Variants in NCAM2 observed in about 807,000 individuals in gnomAD.
The protein encoded by NCAM2 is N-CAM-2.
Under a neutral mutation model 98.1 loss-of-function variants are expected in NCAM2, and 30 were observed. The observed-to-expected ratio is 0.31, with a 90% confidence interval of 0.23 to 0.41. NCAM2 has a LOEUF of 0.41. Among genes scored for constraint, NCAM2 ranks in the 10% least tolerant of loss-of-function variants. NCAM2 has a pLI of 1.00. For synonymous variants in NCAM2, 368 were observed against 342.4 expected (o/e 1.07, Z -0.83); for missense variants, 867 against 1,005.8 (o/e 0.86, Z 1.87).
chr21:21,153,119 AG>A (rs1450971855), intron 1 of NCAM2, among the ~76,000 whole-genome samples: 2 of 151,132 alleles, frequency 1.3e-5, no homozygotes, highest in African/African-American at 2.4e-5. Context: ...TTTAGATGAA[AG>A]GGATTGTCTG....
At position 21,243,340 on chromosome 21, in the gene NCAM2, A is replaced by G. The variant is rs904545128; in HGVS notation, c.56-37238A>G. Among the ~76,000 whole-genome samples the G allele has an allele frequency of 2.0e-5, 3 of 152,304 alleles. No homozygotes were observed. The East Asian group carries it at 5.8e-4, about 29-fold the overall frequency. ...GTTACACCTTGAAAAAAGTCATAAAATACTATTACATTTTTTGTAGGGGAA... is the reference window on the plus strand; with the variant it reads ...GTTACACCTTGAAAAAAGTCATAAAGTACTATTACATTTTTTGTAGGGGAA... On this transcript the variant is annotated intron_variant, in intron 1 of 17. Transcript: ENST00000400546.
chr21:21,048,530 T>C (rs1601199328), intron 1 of NCAM2, among the ~76,000 whole-genome samples: 2 of 152,180 alleles, frequency 1.3e-5, no homozygotes, highest in Non-Finnish European at 2.9e-5. Context: ...TTTTTTTCTA[T>C]TTTTAGTAGA....
chr21:21,271,795 A>G (rs1050580035), intron 1 of NCAM2, among the ~76,000 whole-genome samples: 5 of 152,066 alleles, frequency 3.3e-5, no homozygotes, highest in African/African-American at 9.7e-5. Context: ...ATAGTTTACT[A>G]TTTTTTGTTT....
At chr21:21,013,395 G>T (rs1334261514) in intron 1 of NCAM2, among the ~76,000 whole-genome samples, 3 of 152,192 alleles carry the variant, frequency 2.0e-5, no homozygotes, top group Non-Finnish European at 4.4e-5. Flanking sequence ...CCAGAGAAAG[G>T]TCCTAATACT....
chr21:21,136,063 G>A (rs955817610), intron 1 of NCAM2, among the ~76,000 whole-genome samples: 1 of 152,046 alleles, frequency 6.6e-6, no homozygotes, highest in African/African-American at 2.4e-5. Flanking sequence ...TTTATTTATC[G>A]CTCTGTTTAT....
At chr21:21,275,720 C>G (rs1601840700) in intron 1 of NCAM2, among the ~76,000 whole-genome samples, 1 of 152,230 alleles carries the variant, frequency 6.6e-6, no homozygotes, top group Non-Finnish European at 1.5e-5. Flanking sequence ...TCTTTTCTTA[C>G]ATCTATTCTC....
At position 21,352,972 on chromosome 21, in the gene NCAM2, G is replaced by A. The variant is rs569489429; in HGVS notation, c.1044+14438G>A. Reference sequence around the variant, plus strand: ...GGGTTCAAGCAATTTTCCTGCCTCAGCCTCCTGAGTAGCTGGGATTACAGG... The same window carrying A: ...GGGTTCAAGCAATTTTCCTGCCTCAACCTCCTGAGTAGCTGGGATTACAGG... On this transcript the variant is annotated intron_variant, in intron 8 of 17. Coordinates refer to ENST00000400546, the MANE Select transcript of NCAM2 (RefSeq NM_004540.5). 2.0e-5 allele frequency among the ~76,000 whole-genome samples: 3 copies of A among 152,094 alleles called. No homozygotes were observed. In the South Asian group the frequency reaches 6.2e-4, roughly 32 times the overall value.
In NCAM2 at chr21:21,499,806, C is replaced by G. The variant is rs181790162; in HGVS notation, c.2078-9045C>G. Among the ~76,000 whole-genome samples the G allele has an allele frequency of 4.7e-3, 721 of 152,126 alleles. 3 individuals carry two copies. The highest frequency in any genetic ancestry group is 0.017 in the African/African-American group (692 of 41,498). On this transcript the variant is annotated intron_variant, in intron 15 of 17. Transcript: ENST00000400546. ...TTAAGATAACTAGATATGTATATCA[C>G]CATTTTACCAACAATGAAACTGGGA...
intron 9 of NCAM2, among the ~76,000 whole-genome samples, chr21:21,399,077 G>T (rs920528745): frequency 1.3e-5 from 2 of 152,174 alleles, no homozygotes; most frequent in African/African-American, 4.8e-5. Context: ...GCAGACATCT[G>T]AGTGTCAGTG....
At chr21:21,009,919 T>TGTGTGTG (rs1568923318) in intron 1 of NCAM2, among the ~76,000 whole-genome samples, 1 of 46,788 alleles carries the variant, frequency 2.1e-5, no homozygotes, top group African/African-American at 7.9e-5. Flanking sequence ...GTGTGTGTGT[T>TGTGTGTG]TTAATGATTT....
At chr21:21,431,470 C>G (rs1277233803) in intron 11 of NCAM2, among the ~76,000 whole-genome samples, 2 of 151,764 alleles carry the variant, frequency 1.3e-5, no homozygotes, top group Non-Finnish European at 2.9e-5. Context: ...ATAAAACACA[C>G]AAGAAGAATT....
chr21:21,443,345 A>G (rs1206616705), intron 12 of NCAM2, among the ~76,000 whole-genome samples: 1 of 152,176 alleles, frequency 6.6e-6, no homozygotes, highest in Admixed American at 6.5e-5. Context: ...TGATGGGTGC[A>G]GCAAACCAAC....
chr21:21,292,225 C>CATTGTT lies in NCAM2; in HGVS notation c.611_616dup (p.Ile204_Val205dup). On this transcript the variant is annotated inframe_insertion, in exon 5 of 18. Transcript: ENST00000400546. ...GGGGAGAAATTGACTTCCGTGATAT[C>CATTGTT]ATTGTTATTGTTAATGGTAAGCAGT... The CATTGTT allele has an allele frequency of 6.2e-7, 1 of 1,608,852 alleles. No individual in the cohort carries two copies. Among genetic ancestry groups the CATTGTT allele is most frequent in the Non-Finnish European group, 8.5e-7 (1 of 1,177,118 alleles).
chr21:21,527,664 A>T (rs949165137), intron 16 of NCAM2, among the ~76,000 whole-genome samples: 3 of 152,204 alleles, frequency 2.0e-5, no homozygotes, highest in Non-Finnish European at 2.9e-5. Flanking sequence ...TACCACTGCA[A>T]GCCTATCGAA....
chr21:21,391,999 T>A (rs1395471406), intron 9 of NCAM2, among the ~76,000 whole-genome samples: 1 of 152,190 alleles, frequency 6.6e-6, no homozygotes, highest in East Asian at 1.9e-4. Flanking sequence ...CAGGTAAACC[T>A]GAGTCAGAGG....
chr21:21,474,413 A>C (rs1984875629), intron 14 of NCAM2, among the ~76,000 whole-genome samples: 1 of 152,080 alleles, frequency 6.6e-6, no homozygotes, highest in African/African-American at 2.4e-5. Context: ...TTTGTACAGA[A>C]GTTTCACCTT....
intron 16 of NCAM2, among the ~76,000 whole-genome samples, chr21:21,530,640 C>T (rs905755668): frequency 5.3e-5 from 8 of 151,582 alleles, no homozygotes; most frequent in Non-Finnish European, 1.0e-4. Flanking sequence ...AGAAATGCAG[C>T]TGCAATAATG....
intron 1 of NCAM2, among the ~76,000 whole-genome samples, chr21:21,270,769 T>A (rs1382798079): frequency 6.6e-6 from 1 of 152,252 alleles, no homozygotes; most frequent in Non-Finnish European, 1.5e-5. Context: ...CCCAGGTTTC[T>A]ACATGCTTGA....
At chr21:21,300,231 A>G (rs1459117681) in intron 5 of NCAM2, among the ~76,000 whole-genome samples, 1 of 151,936 alleles carries the variant, frequency 6.6e-6, no homozygotes, top group African/African-American at 2.4e-5. Context: ...AATCCCCTGC[A>G]CAAGATTTCC....
Sources: gnomAD v4.1 joint callset for allele counts (sites outside exome capture counted in the v4.1 genomes callset) on GRCh38, gnomAD v4.1.1 for gene constraint, MANE v1.5 for transcripts, NCBI Gene and HGNC (gene_info 2026-07-23, HGNC 2026-07-21) for gene names.